FUT8: variants seen among roughly 807,000 people sequenced by gnomAD.
The protein encoded by FUT8 is fucosyltransferase 8.
A neutral mutation model predicts 71.3 loss-of-function variants in FUT8; 29 were observed. That is an observed-to-expected ratio of 0.41 (90% CI 0.30 to 0.55). The LOEUF (loss-of-function observed/expected upper bound fraction) is 0.55, where lower values mean the gene tolerates loss of function less well. Among genes scored for constraint, FUT8 ranks in the 20% least tolerant of loss-of-function variants. The probability of loss-of-function intolerance (pLI) is 0.34; values close to 1 mark genes in which losing one functional copy is unlikely to be tolerated. For missense variants in FUT8, 544 were observed against 702.1 expected, an observed-to-expected ratio of 0.77 and a Z score of 2.55; for synonymous variants, 254 against 239.3, an observed-to-expected ratio of 1.06 and a Z score of -0.57.
intron 3 of FUT8, among the ~76,000 whole-genome samples, chr14:65,571,277 A>G (rs917300229): frequency 1.3e-5 from 2 of 152,160 alleles, no homozygotes; most frequent in African/African-American, 4.8e-5. Flanking sequence ...TGCTGAACCT[A>G]TCCAAAAGAA....
the FUT8 span, among the ~76,000 whole-genome samples, chr14:65,402,828 T>C: frequency 6.6e-6 from 1 of 152,188 alleles, no homozygotes; most frequent in Non-Finnish European, 1.5e-5. Flanking sequence ...ATGATCAGTC[T>C]TGAAATAAAT....
Position 65,616,433 on chromosome 14 carries a change from GAAAC to G in FUT8, c.482+62_482+65del, listed in dbSNP as rs1889290300. 5 of 1,369,536 alleles carry G rather than the reference GAAAC, an allele frequency of 3.7e-6. No individual in the cohort carries two copies. The East Asian group carries it at 1.2e-4, about 32-fold the overall frequency. The allele number at this position is 1,369,536 out of a possible 1,614,324, so 84.8% of individuals were successfully genotyped here. On this transcript the variant is annotated intron_variant, in intron 5 of 10. Transcript: ENST00000673929. Reference sequence around the variant, plus strand: ...AGAAAAGATTATAATCTAAGAATGAGAAACAGACTTGTTAATCCATCTGTTGAGT... The same window carrying G: ...AGAAAAGATTATAATCTAAGAATGAGAGACTTGTTAATCCATCTGTTGAGT...
chr14:65,605,284 T>C (rs555250554), intron 3 of FUT8, among the ~76,000 whole-genome samples: 2 of 152,130 alleles, frequency 1.3e-5, no homozygotes, highest in South Asian at 4.2e-4. Context: ...ATTACGTTCC[T>C]ACCTTTAATG....
chr14:65,439,952 G>GTATATATATA (rs1425130774), intron 1 of FUT8, among the ~76,000 whole-genome samples: 31 of 38,192 alleles, frequency 8.1e-4, no homozygotes, highest in East Asian at 4.3e-3. Context: ...GTGTGTGTGT[G>GTATATATATA]TGTATATATA....
chr14:65,560,167 C>CA (rs1297635932), intron 2 of FUT8, among the ~76,000 whole-genome samples: 1 of 152,046 alleles, frequency 6.6e-6, no homozygotes, highest in Non-Finnish European at 1.5e-5. Context: ...GCCTCTTCTC[C>CA]ATCTTTTCTG....
At chr14:65,361,648 C>T in the FUT8 span, among the ~76,000 whole-genome samples, 3 of 151,766 alleles carry the variant, frequency 2.0e-5, no homozygotes, top group South Asian at 2.1e-4. Flanking sequence ...ATTAGCCGGG[C>T]GTGGTGGCAT....
At chr14:65,717,582 T>C (rs866877622) in intron 7 of FUT8, among the ~76,000 whole-genome samples, 4 of 124,078 alleles carry the variant, frequency 3.2e-5, no homozygotes, top group Non-Finnish European at 4.9e-5. Flanking sequence ...GCAGAGACGC[T>C]CCTCACCTCC....
intron 2 of FUT8, among the ~76,000 whole-genome samples, chr14:65,533,368 A>G (rs1009111280): frequency 2.6e-5 from 4 of 151,806 alleles, no homozygotes; most frequent in African/African-American, 9.7e-5. Flanking sequence ...AAGATCTTTC[A>G]CCTCTGTGGT....
intron 1 of FUT8, among the ~76,000 whole-genome samples, chr14:65,434,569 A>G (rs1024396079): frequency 1.6e-4 from 24 of 152,382 alleles, no homozygotes; most frequent in Middle Eastern, 3.4e-3. Context: ...GAAGAAAGAA[A>G]AGGCAATAGT....
chr14:65,562,359 A>T (rs545687476), intron 3 of FUT8, among the ~76,000 whole-genome samples: 2 of 152,258 alleles, frequency 1.3e-5, no homozygotes, highest in East Asian at 3.9e-4. Context: ...GAACTTATTA[A>T]AATGCAGAAA....
intron 3 of FUT8, among the ~76,000 whole-genome samples, chr14:65,606,534 T>G (rs767509298): frequency 3.9e-5 from 6 of 151,912 alleles, no homozygotes; most frequent in Non-Finnish European, 5.9e-5. Context: ...TTTGTAAGAT[T>G]GTTTGAATTT....
chr14:65,378,331 G>C, the FUT8 span, among the ~76,000 whole-genome samples: 2 of 152,178 alleles, frequency 1.3e-5, no homozygotes, highest in African/African-American at 4.8e-5. Flanking sequence ...CAGAGGGCCA[G>C]TGGGTAAAAA....
intron 1 of FUT8, among the ~76,000 whole-genome samples, chr14:65,443,913 A>G (rs1052933992): frequency 6.6e-6 from 1 of 152,170 alleles, no homozygotes; most frequent in Admixed American, 6.5e-5. Context: ...TGGCTTTTGG[A>G]AAGATGAGAA....
At chr14:65,664,863 T>A (rs1305053615) in intron 6 of FUT8, among the ~76,000 whole-genome samples, 2 of 152,028 alleles carry the variant, frequency 1.3e-5, no homozygotes, top group Admixed American at 1.3e-4. Context: ...GTAGACAAAA[T>A]AGCTAGGAAA....
chr14:65,412,554 C>T (rs1595337095), upstream of FUT8: 4 of 351,166 alleles, frequency 1.1e-5, no homozygotes, highest in Non-Finnish European at 2.3e-5. Flanking sequence ...TGTGCCGTCC[C>T]GCTGTGGCCC....
intron 7 of FUT8, among the ~76,000 whole-genome samples, chr14:65,719,170 T>C (rs1443680711): frequency 6.6e-6 from 1 of 152,160 alleles, no homozygotes; most frequent in Admixed American, 6.5e-5. Flanking sequence ...TTCTTTTGTC[T>C]CTGTTGACAG....
chr14:65,733,154 A>T, intron 9 of FUT8, 77 bp from the exon 10 acceptor site: 2 of 832,886 alleles, frequency 2.4e-6, no homozygotes, highest in Non-Finnish European at 3.6e-6. Flanking sequence ...AGAAGCTCTT[A>T]GTCAAAGGAG....
At chr14:65,703,279 C>T (rs1894400736) in intron 7 of FUT8, among the ~76,000 whole-genome samples, 1 of 152,158 alleles carries the variant, frequency 6.6e-6, no homozygotes, top group Admixed American at 6.5e-5. Context: ...TCCTCCTTGC[C>T]CTGTTTGCTA....
At chr14:65,659,217 A>G (rs1466446447) in intron 6 of FUT8, among the ~76,000 whole-genome samples, 2 of 152,088 alleles carry the variant, frequency 1.3e-5, no homozygotes, top group African/African-American at 4.8e-5. Context: ...TAAAAAAACA[A>G]TAATAGCTGG....
Sources: allele counts gnomAD v4.1 joint callset (sites outside exome capture counted in the v4.1 genomes callset), GRCh38; gene constraint gnomAD v4.1.1; transcripts MANE v1.5; gene names NCBI Gene and HGNC (gene_info 2026-07-23, HGNC 2026-07-21).